The following FSHR variants were observed in gnomAD, a reference collection of about 807,000 sequenced individuals.
FSHR encodes the protein follicle stimulating hormone receptor, also known as follicle-stimulating hormone receptor.
In FSHR, 46 loss-of-function variants were observed where a neutral mutation model predicts 52.1. That is an observed-to-expected ratio of 0.88 (90% CI 0.70 to 1.13). The LOEUF (loss-of-function observed/expected upper bound fraction) is 1.13. Among genes scored for constraint, FSHR ranks in the 50% most tolerant of loss-of-function variants. The pLI is 0.00. For synonymous variants in FSHR, 399 were observed against 309.6 expected (o/e 1.29, Z -3.03); for missense variants, 964 against 834.6 (o/e 1.16, Z -1.91).
intron 1 of FSHR, among the ~76,000 whole-genome samples, chr2:49,149,645 T>A (rs1000826169): frequency 6.6e-6 from 1 of 152,046 alleles, no homozygotes; most frequent in African/African-American, 2.4e-5. Context: ...ACACGATTGA[T>A]ACATCCCTCT....
chr2:49,084,547 A>G (rs1670302403), intron 1 of FSHR, among the ~76,000 whole-genome samples: 1 of 152,240 alleles, frequency 6.6e-6, no homozygotes, highest in Admixed American at 6.5e-5. Context: ...AAAATTAATG[A>G]ATCCAGGAGC....
chr2:49,051,467 C>T (rs567334357), intron 2 of FSHR, among the ~76,000 whole-genome samples: 11 of 152,024 alleles, frequency 7.2e-5, no homozygotes, highest in East Asian at 3.9e-4. Flanking sequence ...TGCTTATTGC[C>T]GATTCGTGTA....
At chr2:49,021,714 A>G (rs915209669) in intron 2 of FSHR, among the ~76,000 whole-genome samples, 2 of 151,488 alleles carry the variant, frequency 1.3e-5, no homozygotes, top group African/African-American at 4.9e-5. Flanking sequence ...ATGAATGAGG[A>G]GACATTATGT....
intron 2 of FSHR, among the ~76,000 whole-genome samples, chr2:49,066,905 G>A (rs1013297426): frequency 2.6e-5 from 4 of 152,018 alleles, no homozygotes; most frequent in Non-Finnish European, 4.4e-5. Context: ...CAAGGGAATC[G>A]CGAATACATC....
At chr2:49,079,693 G>A (rs1256947922) in intron 1 of FSHR, among the ~76,000 whole-genome samples, 2 of 151,978 alleles carry the variant, frequency 1.3e-5, no homozygotes, top group African/African-American at 4.8e-5. Context: ...TTTCCTTGTG[G>A]AGTAACCTAA....
chr2:49,062,176 C>T (rs1461272512), intron 2 of FSHR, among the ~76,000 whole-genome samples: 2 of 152,020 alleles, frequency 1.3e-5, no homozygotes, highest in Non-Finnish European at 2.9e-5. Context: ...TAAAAATATA[C>T]TACAAAGCTA....
intron 2 of FSHR, among the ~76,000 whole-genome samples, chr2:49,039,833 T>C (rs1414510996): frequency 6.6e-6 from 1 of 152,238 alleles, no homozygotes; most frequent in Admixed American, 6.5e-5. Context: ...GAGAAAAAGT[T>C]GTGGAAAGCT....
intron 4 of FSHR, among the ~76,000 whole-genome samples, chr2:48,990,904 G>A (rs1165253558): frequency 3.7e-5 from 5 of 134,882 alleles, no homozygotes; most frequent in Non-Finnish European, 6.6e-5. Context: ...AAAAAAAAAC[G>A]ATTGATAAGT....
chr2:49,000,626 G>A (rs1666838175), intron 4 of FSHR, among the ~76,000 whole-genome samples: 1 of 152,150 alleles, frequency 6.6e-6, no homozygotes, highest in African/African-American at 2.4e-5. Flanking sequence ...AGTGTGGAGA[G>A]TTAAATTCGG....
At chr2:49,116,184 G>A (rs1203200891) in intron 1 of FSHR, among the ~76,000 whole-genome samples, 3 of 152,144 alleles carry the variant, frequency 2.0e-5, no homozygotes, top group Non-Finnish European at 1.5e-5. Flanking sequence ...AAATCAGGAA[G>A]GCTTTTATTA....
intron 2 of FSHR, among the ~76,000 whole-genome samples, chr2:49,038,644 T>A (rs13388017): frequency 0.38 from 44,645 of 118,648 alleles, 10,362 homozygotes; most frequent in East Asian, 0.42. Context: ...ATAATAATAA[T>A]AATAATAATA....
intron 4 of FSHR, among the ~76,000 whole-genome samples, chr2:49,015,501 G>A (rs1369336304): frequency 6.6e-6 from 1 of 152,140 alleles, no homozygotes; most frequent in Non-Finnish European, 1.5e-5. Context: ...GTTCATATAA[G>A]CCATGTGCGT....
rs1559096571 is a variant in FSHR at position 48,983,094 on chromosome 2, T to TTG, written c.593+3_593+4insCA. ...GGCCTTGAAGAATAGTCAGGGCTAC[T>TTG]TACAGCTCATCTAGTTGGGTTCCAT... On this transcript the variant is annotated splice_donor_region_variant and intron_variant, in intron 7 of 9. Coordinates refer to ENST00000406846, the MANE Select transcript of FSHR (RefSeq NM_000145.4). The TTG allele has an allele frequency of 6.2e-7, 1 of 1,613,974 alleles. No homozygotes were observed. The highest frequency in any genetic ancestry group is 2.2e-5 in the East Asian group (1 of 44,878).
intron 9 of FSHR, among the ~76,000 whole-genome samples, chr2:48,966,249 G>T (rs148569809): frequency 2.2e-4 from 33 of 152,258 alleles, no homozygotes; most frequent in Non-Finnish European, 2.9e-5. Context: ...AATTCTTGAG[G>T]TCTAGGCCCT....
At chr2:49,109,400 A>G (rs1012772341) in intron 1 of FSHR, among the ~76,000 whole-genome samples, 1 of 152,142 alleles carries the variant, frequency 6.6e-6, no homozygotes, top group Admixed American at 6.6e-5. Flanking sequence ...TGGGTTGGGG[A>G]GAGAGGAGGT....
chr2:49,007,166 A>G (rs1667102023), intron 4 of FSHR, among the ~76,000 whole-genome samples: 1 of 152,110 alleles, frequency 6.6e-6, no homozygotes, highest in Admixed American at 6.6e-5. Flanking sequence ...AATGAGCCCA[A>G]GTATGGCTCT....
chr2:49,133,417 G>A (rs987915821), intron 1 of FSHR, among the ~76,000 whole-genome samples: 5 of 152,108 alleles, frequency 3.3e-5, no homozygotes, highest in African/African-American at 1.2e-4. Context: ...ACGAAATAAA[G>A]AGGACACAAA....
chr2:49,013,511 T>G lies in FSHR; in HGVS notation c.374+3978A>C, dbSNP rs551005145. Among the ~76,000 whole-genome samples the G allele has an allele frequency of 3.1e-3, 233 of 74,484 alleles. 2 individuals are homozygous for G. The highest frequency in any genetic ancestry group is 6.8e-3 in the African/African-American group (210 of 30,910). The allele number at this position is 74,484 out of a possible 152,430, so 48.9% of individuals were successfully genotyped here. On this transcript the variant is annotated intron_variant, in intron 4 of 9. Transcript: ENST00000406846. ...ATATATATATATATAAATATATATATATATAAATATATATAAAAATATATA... is the reference window on the plus strand; with the variant it reads ...ATATATATATATATAAATATATATAGATATAAATATATATAAAAATATATA...
intron 6 of FSHR, among the ~76,000 whole-genome samples, chr2:48,987,675 C>T (rs1158313676): frequency 4.6e-5 from 7 of 152,094 alleles, no homozygotes; most frequent in Admixed American, 3.9e-4. Flanking sequence ...TTAACTCTTC[C>T]TTTAACCCTC....
Sources: allele counts gnomAD v4.1 joint callset (sites outside exome capture counted in the v4.1 genomes callset), GRCh38; gene constraint gnomAD v4.1.1; transcripts MANE v1.5; gene names NCBI Gene and HGNC (gene_info 2026-07-23, HGNC 2026-07-21).